LPCAT3: variants seen among roughly 807,000 people sequenced by gnomAD.
The protein encoded by LPCAT3 is lysophosphatidylcholine acyltransferase 3.
Under a neutral mutation model 63.4 loss-of-function variants are expected in LPCAT3, and 21 were observed. The observed-to-expected ratio is 0.33, with a 90% CI of 0.23 to 0.48. LPCAT3 has a LOEUF of 0.48. LPCAT3 is among the 20% of genes least tolerant of loss of function. The pLI is 0.99. For synonymous variants in LPCAT3, 242 were observed against 227.5 expected (o/e 1.06, Z -0.58); for missense variants, 451 against 590.6 (o/e 0.76, Z 2.45).
Position 6,977,065 on chromosome 12 carries a change from T to A in LPCAT3, c.*12+69A>T. ...ATTCACCCCAGATTTCTAATACTAT[T>A]GTTTTTTTCCAGTCTGTTGCTCTAT... On this transcript the variant is annotated intron_variant, in intron 12 of 12. Coordinates refer to ENST00000261407, the MANE Select transcript of LPCAT3 (RefSeq NM_005768.6). The surrounding 1 kb of genome is among the most constrained non-coding windows in gnomAD (Gnocchi z 4.5). The A allele has an allele frequency of 1.0e-6, 1 of 972,128 alleles. No individual in the cohort carries two copies. The highest frequency in any genetic ancestry group is 1.6e-6 in the Non-Finnish European group (1 of 609,770). The allele number at this position is 972,128 out of a possible 1,614,324, so 60.2% of individuals were successfully genotyped here. A position where few individuals can be genotyped will look rare whatever the true frequency, so the allele number is the denominator to read the frequency against.
At chr12:6,986,155 C>T (rs967394573) in intron 1 of LPCAT3, among the ~76,000 whole-genome samples, 1 of 151,890 alleles carries the variant, frequency 6.6e-6, no homozygotes, top group African/African-American at 2.4e-5. Flanking sequence ...TATAGTTGAC[C>T]CTTGATCAAC....
chr12:6,977,507 C>G lies in LPCAT3; in HGVS notation c.1207G>C (p.Glu403Gln). ...GCCAGCTTGCTCAGGGTGGGGCTCTCTTGAATGAGCCTGGCAGCCTGGGGA... is the reference window on the plus strand; with the variant it reads ...GCCAGCTTGCTCAGGGTGGGGCTCTGTTGAATGAGCCTGGCAGCCTGGGGA... ...VERQAARLIQ[E>Q]SPTLSKLAAI... Residue 403 changes from glutamate (E) to glutamine (Q), a missense_variant, in exon 11 of 13, where the codon GAG becomes CAG. Glu to Gln is a conservative substitution (Grantham distance 29, BLOSUM62 2). Transcript: ENST00000261407. This position sits in a 1 kb window ranked among gnomAD's most constrained non-coding sequence, Gnocchi z 4.5. 1 of 1,614,198 alleles carries G rather than the reference C, an allele frequency of 6.2e-7. No homozygotes were observed. Among genetic ancestry groups the G allele is most frequent in the Non-Finnish European group, 8.5e-7 (1 of 1,180,028 alleles).
In LPCAT3 at chr12:7,017,839, T is replaced by TG. The variant is rs1281939533; in HGVS notation, c.151+434dup. On this transcript the variant is annotated intron_variant, in intron 1 of 12. Transcript: ENST00000261407. The surrounding 1 kb of genome is among the most constrained non-coding windows in gnomAD (Gnocchi z 4.1). ...CGCTCAGAATATGAAATATGGAATA[T>TG]GGGGCTGAAAAGGCCGAAAGGGCTA... Among the ~76,000 whole-genome samples the TG allele has an allele frequency of 6.6e-6, 1 of 152,140 alleles. No homozygotes were observed.
At position 6,977,251 on chromosome 12, in the gene LPCAT3, G is replaced by A; in HGVS notation, c.1359C>T (p.Ser453=). The A allele has an allele frequency of 6.2e-7, 1 of 1,613,220 alleles. No individual in the cohort carries two copies. Among genetic ancestry groups the A allele is most frequent in the South Asian group, 1.1e-5 (1 of 91,062 alleles). ...AGAAGATGTGGCCAAGGAAATAGAT[G>A]GATTTATACACCTGTGGAGAGAGAG... ...TWDKWLKVYK[S]IYFLGHIFFL... is the part of the protein sequence containing the mutation. Residue 453 remains serine, a synonymous_variant, in exon 12 of 13, where the codon TCC becomes TCT. Coordinates refer to ENST00000261407, the MANE Select transcript of LPCAT3 (RefSeq NM_005768.6). The surrounding 1 kb of genome is among the most constrained non-coding windows in gnomAD (Gnocchi z 4.5).
At chr12:6,978,713 A>C (rs782474568) in intron 7 of LPCAT3, 24 bp from the exon 8 acceptor site, 2 of 1,613,140 alleles carry the variant, frequency 1.2e-6, no homozygotes, top group Non-Finnish European at 1.7e-6. Flanking sequence ...AGCACAGTGC[A>C]TTAGGGATAT....
At chr12:6,985,089 TAA>T (rs10559240) in intron 1 of LPCAT3, among the ~76,000 whole-genome samples, 10,202 of 112,656 alleles carry the variant, frequency 0.091, 551 homozygotes, top group African/African-American at 0.14. Flanking sequence ...CCCCATACAT[TAA>T]AAAAAAAAAA....
At chr12:6,996,065 C>G (rs993452648) in intron 1 of LPCAT3, among the ~76,000 whole-genome samples, 2 of 152,168 alleles carry the variant, frequency 1.3e-5, no homozygotes, top group Non-Finnish European at 1.5e-5. Flanking sequence ...TATTCTCACT[C>G]AGATCAAAAG....
chr12:6,981,743 G>A (rs1026173947), intron 4 of LPCAT3, 68 bp downstream of exon 4: 9 of 1,454,068 alleles, frequency 6.2e-6, no homozygotes, highest in South Asian at 3.4e-5. Flanking sequence ...GGGGGGTGCC[G>A]AGGAAGTTTT....
At chr12:6,997,984 T>C (rs1946652909) in intron 1 of LPCAT3, among the ~76,000 whole-genome samples, 1 of 152,182 alleles carries the variant, frequency 6.6e-6, no homozygotes, top group African/African-American at 2.4e-5. Flanking sequence ...TGCCTCAGCC[T>C]CCTAAAGTGC....
At position 6,977,087 on chromosome 12, in the gene LPCAT3, C is replaced by T; in HGVS notation, c.*12+47G>A. On this transcript the variant is annotated intron_variant, in intron 12 of 12. Coordinates refer to ENST00000261407, the MANE Select transcript of LPCAT3 (RefSeq NM_005768.6). This position sits in a 1 kb window ranked among gnomAD's most constrained non-coding sequence, Gnocchi z 4.5. ...TATTGTTTTTTTCCAGTCTGTTGCTCTATTCTGTAACCTGGTGGTAGTTTT... is the reference window on the plus strand; with the variant it reads ...TATTGTTTTTTTCCAGTCTGTTGCTTTATTCTGTAACCTGGTGGTAGTTTT... The T allele has an allele frequency of 8.5e-7, 1 of 1,179,380 alleles. No homozygotes were observed. 73.1% of individuals were successfully genotyped at this position (1,179,380 alleles called of 1,614,324 possible). A position where few individuals can be genotyped will look rare whatever the true frequency, so the allele number is the denominator to read the frequency against.
intron 1 of LPCAT3, among the ~76,000 whole-genome samples, chr12:6,997,858 T>C (rs782385817): frequency 3.9e-5 from 6 of 152,076 alleles, no homozygotes; most frequent in Non-Finnish European, 8.8e-5. Flanking sequence ...AGTGCTGGGA[T>C]TACAGGCGAG....
At chr12:6,986,757 A>ACTG (rs1946530112) in intron 1 of LPCAT3, among the ~76,000 whole-genome samples, 1 of 142,384 alleles carries the variant, frequency 7.0e-6, no homozygotes, top group African/African-American at 2.7e-5. Flanking sequence ...AGAGAGAGCC[A>ACTG]CTGCACTCCA....
In LPCAT3 at chr12:6,987,383, G is replaced by A. The variant is rs1403807963; in HGVS notation, c.152-3844C>T. ...TGGGATATAGGATCACTAGCTCTAG[G>A]GAGGTGGAGACATCTATGACCCTTT... On this transcript the variant is annotated intron_variant, in intron 1 of 12. Coordinates refer to ENST00000261407, the MANE Select transcript of LPCAT3 (RefSeq NM_005768.6). This position sits in a 1 kb window ranked among gnomAD's most constrained non-coding sequence, Gnocchi z 4.1. 6.6e-6 allele frequency among the ~76,000 whole-genome samples: 1 copy of A among 152,202 alleles called. No homozygotes were observed. Among genetic ancestry groups the A allele is most frequent in the Non-Finnish European group, 1.5e-5 (1 of 68,038 alleles).
chr12:7,000,443 C>T (rs1485741466), intron 1 of LPCAT3, among the ~76,000 whole-genome samples: 2 of 149,544 alleles, frequency 1.3e-5, no homozygotes, highest in Non-Finnish European at 3.0e-5. Context: ...AAAAAAAAGC[C>T]GGGGCGTGGT....
intron 1 of LPCAT3, among the ~76,000 whole-genome samples, chr12:7,003,645 G>A (rs782049272): frequency 4.6e-5 from 7 of 152,062 alleles, no homozygotes; most frequent in Admixed American, 6.5e-5. Context: ...GGATGCGGCC[G>A]GGCGCGGTGG....
Position 6,982,559 on chromosome 12 carries a change from G to A in LPCAT3, c.366+117C>T, listed in dbSNP as rs1591547395. 6 of 720,914 alleles carry A rather than the reference G, an allele frequency of 8.3e-6. No individual in the cohort carries two copies. The East Asian group carries it at 1.4e-4, about 16-fold the overall frequency. The allele number at this position is 720,914 out of a possible 1,614,324, so 44.7% of individuals were successfully genotyped here. A position where few individuals can be genotyped will look rare whatever the true frequency, so the allele number is the denominator to read the frequency against. On this transcript the variant is annotated intron_variant, in intron 3 of 12. Transcript: ENST00000261407. Reference sequence around the variant, plus strand: ...CCTACCTGAAGTCATACTGCTAAGTGCTGGGAGAGGGGTTAGAAATTAGGT... The same window carrying A: ...CCTACCTGAAGTCATACTGCTAAGTACTGGGAGAGGGGTTAGAAATTAGGT...
chr12:7,002,051 C>G (rs1243483331), intron 1 of LPCAT3, among the ~76,000 whole-genome samples: 3 of 152,250 alleles, frequency 2.0e-5, no homozygotes, highest in Admixed American at 6.5e-5. Flanking sequence ...TAGAAGCAAT[C>G]TAGCACAGCT....
chr12:6,985,089 T>TAAAAAA (rs10559240), intron 1 of LPCAT3, among the ~76,000 whole-genome samples: 1 of 112,640 alleles, frequency 8.9e-6, no homozygotes, highest in African/African-American at 3.5e-5. Context: ...CCCCATACAT[T>TAAAAAA]AAAAAAAAAA....
chr12:7,016,901 T>TACACA (rs1946800744), intron 1 of LPCAT3, among the ~76,000 whole-genome samples: 2 of 152,232 alleles, frequency 1.3e-5, no homozygotes, highest in Admixed American at 6.5e-5. Context: ...AAGAAAAAGG[T>TACACA]GATCTTTATT....
Sources: gnomAD v4.1 joint callset for allele counts (sites outside exome capture counted in the v4.1 genomes callset) on GRCh38, gnomAD v4.1.1 for gene constraint, Gnocchi (gnomAD v3.1) non-coding constraint, MANE v1.5 for transcripts, NCBI Gene and HGNC (gene_info 2026-07-23, HGNC 2026-07-21) for gene names.